Variants in SCAF4 observed in about 807,000 individuals in gnomAD.
The protein encoded by SCAF4 is SR-related and CTD-associated factor 4.
In SCAF4, 25 loss-of-function variants were observed where a neutral mutation model predicts 129.8. The observed-to-expected ratio is 0.19, with a 90% confidence interval of 0.14 to 0.27. The LOEUF (loss-of-function observed/expected upper bound fraction) is 0.27, where lower values mean the gene tolerates loss of function less well. SCAF4 is among the 10% of genes least tolerant of loss of function. The probability of loss-of-function intolerance (pLI) is 1.00; values close to 1 mark genes in which losing one functional copy is unlikely to be tolerated. For synonymous variants in SCAF4, 551 were observed against 497.7 expected, an observed-to-expected ratio of 1.11 and a Z score of -1.43; for missense variants, 1,246 against 1,457.1, an observed-to-expected ratio of 0.86 and a Z score of 2.36.
intron 1 of SCAF4, among the ~76,000 whole-genome samples, chr21:31,717,906 C>CACAT (rs1432809680): frequency 3.6e-4 from 16 of 44,096 alleles, no homozygotes; most frequent in East Asian, 1.6e-3. Context: ...CACATATATA[C>CACAT]ACACACACAC....
At chr21:31,715,047 A>C (rs954228100) in intron 1 of SCAF4, among the ~76,000 whole-genome samples, 11 of 152,216 alleles carry the variant, frequency 7.2e-5, no homozygotes, top group Non-Finnish European at 1.3e-4. Flanking sequence ...GTAGTAAGAA[A>C]TTACCACAAA....
At chr21:31,727,719 A>C (rs761684413) in intron 1 of SCAF4, among the ~76,000 whole-genome samples, 123 of 152,086 alleles carry the variant, frequency 8.1e-4, no homozygotes, top group South Asian at 2.5e-3. Context: ...TGAACCCAGG[A>C]GGCGGAGGCT....
At chr21:31,729,647 AT>A (rs2051298913) in intron 1 of SCAF4, among the ~76,000 whole-genome samples, 1 of 152,238 alleles carries the variant, frequency 6.6e-6, no homozygotes, top group Non-Finnish European at 1.5e-5. Flanking sequence ...AGTAAGATGA[AT>A]TTTAAACTCA....
At chr21:31,723,010 T>C (rs1431597483) in intron 1 of SCAF4, among the ~76,000 whole-genome samples, 1 of 152,176 alleles carries the variant, frequency 6.6e-6, no homozygotes, top group Non-Finnish European at 1.5e-5. Context: ...TTGTGATTTC[T>C]AGAATTTATT....
chr21:31,689,100 T>C (rs1289556701), intron 15 of SCAF4, among the ~76,000 whole-genome samples: 1 of 152,156 alleles, frequency 6.6e-6, no homozygotes, highest in African/African-American at 2.4e-5. Context: ...CATCTTCTTC[T>C]TTTTACCACT....
At chr21:31,717,975 C>G (rs575128091) in intron 1 of SCAF4, among the ~76,000 whole-genome samples, 1 of 151,712 alleles carries the variant, frequency 6.6e-6, no homozygotes, top group East Asian at 1.9e-4. Context: ...TGGAGTTTCA[C>G]TCTCATTGCC....
At chr21:31,728,111 C>A (rs1286497225) in intron 1 of SCAF4, among the ~76,000 whole-genome samples, 4 of 152,136 alleles carry the variant, frequency 2.6e-5, no homozygotes, top group African/African-American at 9.7e-5. Flanking sequence ...TCAAGTTAGC[C>A]ATCCCCTCTT....
chr21:31,707,153 TG>T (rs1162126501), intron 1 of SCAF4, among the ~76,000 whole-genome samples: 1 of 151,940 alleles, frequency 6.6e-6, no homozygotes, highest in Non-Finnish European at 1.5e-5. Flanking sequence ...ATTCCATAGA[TG>T]GGGGGGTTAC....
At chr21:31,683,630 T>A (rs1232661642) in intron 19 of SCAF4, among the ~76,000 whole-genome samples, 1 of 151,980 alleles carries the variant, frequency 6.6e-6, no homozygotes, top group African/African-American at 2.4e-5. Context: ...TTAGGATTCA[T>A]AATCAAGGGT....
In SCAF4 at chr21:31,732,099, C is replaced by T; in HGVS notation, c.-407G>A. On this transcript the variant is annotated 5_prime_UTR_variant, in exon 1 of 20. Transcript: ENST00000286835. Reference sequence around the variant, plus strand: ...CGGGATGGCGGCAGCGGCCCGAGTCCACGCCGCGCGGGGCACCCTGGGACG... The same window carrying T: ...CGGGATGGCGGCAGCGGCCCGAGTCTACGCCGCGCGGGGCACCCTGGGACG... 1 of 407,258 alleles carries T rather than the reference C, an allele frequency of 2.5e-6. No homozygotes were observed. The highest frequency in any genetic ancestry group is 3.6e-5 in the East Asian group (1 of 27,550). 25.2% of individuals were successfully genotyped at this position (407,258 alleles called of 1,614,324 possible).
At chr21:31,694,545 C>T (rs1366857018) in intron 10 of SCAF4, among the ~76,000 whole-genome samples, 2 of 152,102 alleles carry the variant, frequency 1.3e-5, no homozygotes, top group East Asian at 1.9e-4. Flanking sequence ...AAATTACATA[C>T]CATTTTAATA....
At chr21:31,716,917 C>CAT (rs1317866224) in intron 1 of SCAF4, among the ~76,000 whole-genome samples, 2 of 152,124 alleles carry the variant, frequency 1.3e-5, no homozygotes, top group African/African-American at 4.8e-5. Context: ...ATCAATGGTA[C>CAT]ATACACACAG....
In SCAF4 at chr21:31,696,217, A is replaced by G; in HGVS notation, c.964T>C (p.Phe322Leu). The change falls in exon 9 of 20, where the codon TTT becomes CTT. Residue 322 changes from phenylalanine to leucine, a missense_variant. Transcript: ENST00000286835. Reference protein sequence around the residue: ...SPPPPQAPFGFPGDGMQQPAY... With the variant: ...SPPPPQAPFGLPGDGMQQPAY... The stretch of plus-strand genomic sequence containing the variant: ...GGCTGCTGCATGCCATCTCCAGGAA[A>G]GCCACTAAAAAAAGGTGGATAATCT... 6.2e-7 allele frequency: 1 copy of G among 1,613,368 alleles called. No individual in the cohort carries two copies. Among genetic ancestry groups the G allele is most frequent in the Non-Finnish European group, 8.5e-7 (1 of 1,179,506 alleles).
chr21:31,704,470 A>G (rs2050607030), intron 3 of SCAF4, among the ~76,000 whole-genome samples: 1 of 152,050 alleles, frequency 6.6e-6, no homozygotes, highest in South Asian at 2.1e-4. Context: ...TTTATAGAAG[A>G]CAATTTAGCA....
At chr21:31,704,070 A>T in intron 3 of SCAF4, 144 bp from the exon 4 acceptor site, 1 of 474,948 alleles carries the variant, frequency 2.1e-6, no homozygotes, top group South Asian at 4.8e-5. Flanking sequence ...AGCTCTCTAA[A>T]TGGCTAACTT....
At chr21:31,674,906 T>C (rs1181899816) in intron 19 of SCAF4, among the ~76,000 whole-genome samples, 2 of 152,208 alleles carry the variant, frequency 1.3e-5, no homozygotes, top group Admixed American at 6.5e-5. Context: ...CAAATTTCAA[T>C]TGCTGTAGGA....
At chr21:31,700,295 G>A (rs1006986538) in intron 7 of SCAF4, among the ~76,000 whole-genome samples, 2 of 150,824 alleles carry the variant, frequency 1.3e-5, no homozygotes, top group Admixed American at 6.6e-5. Context: ...AAACACAGAC[G>A]GAGTCTCACT....
At chr21:31,706,414 G>A in intron 1 of SCAF4, 57 bp from the exon 2 acceptor site, 1 of 1,178,040 alleles carries the variant, frequency 8.5e-7, no homozygotes, top group Non-Finnish European at 1.2e-6. Context: ...TAGTAAATAA[G>A]CACCTTTCCT....
At chr21:31,679,408 C>T (rs1285415493) in intron 19 of SCAF4, among the ~76,000 whole-genome samples, 3 of 151,976 alleles carry the variant, frequency 2.0e-5, no homozygotes, top group Non-Finnish European at 4.4e-5. Context: ...AATAACAGTA[C>T]AACCAACATG....
Sources: allele counts gnomAD v4.1 joint callset (sites outside exome capture counted in the v4.1 genomes callset), GRCh38; gene constraint gnomAD v4.1.1; transcripts MANE v1.5; gene names NCBI Gene and HGNC (gene_info 2026-07-23, HGNC 2026-07-21).